TMEM232: variants seen among roughly 807,000 people sequenced by gnomAD.
TMEM232 encodes transmembrane protein 232.
A neutral mutation model predicts 78.8 loss-of-function variants in TMEM232; 80 were observed. The observed-to-expected ratio is 1.01, with a 90% CI of 0.85 to 1.22. The LOEUF (loss-of-function observed/expected upper bound fraction) is 1.22. Among genes scored for constraint, TMEM232 ranks in the 50% most tolerant of loss-of-function variants. TMEM232 has a pLI of 0.00. For missense variants in TMEM232, 881 were observed against 742.2 expected (o/e 1.19, Z -2.17); for synonymous variants, 297 against 254.3 (o/e 1.17, Z -1.60).
intron 1 of TMEM232, 124 bp from the exon 2 acceptor site, chr5:110,667,488 CTATAT>C: frequency 1.5e-6 from 1 of 676,120 alleles, no homozygotes; most frequent in South Asian, 3.0e-5. Flanking sequence ...AAGAATAATT[CTATAT>C]TAAGGAAGAA....
intron 10 of TMEM232, among the ~76,000 whole-genome samples, chr5:110,587,422 T>C (rs757902064): frequency 6.6e-6 from 1 of 152,008 alleles, no homozygotes; most frequent in Non-Finnish European, 1.5e-5. Flanking sequence ...TTCAAATTGC[T>C]AGTACCGTGA....
chr5:110,574,322 CTT>C (rs900419191), intron 10 of TMEM232, among the ~76,000 whole-genome samples: 3 of 152,026 alleles, frequency 2.0e-5, no homozygotes, highest in African/African-American at 7.2e-5. Flanking sequence ...ACATTTAACT[CTT>C]TGAAGTAATC....
intron 3 of TMEM232, among the ~76,000 whole-genome samples, chr5:110,395,982 C>G (rs1755372345): frequency 6.6e-6 from 1 of 152,112 alleles, no homozygotes; most frequent in African/African-American, 2.4e-5. Flanking sequence ...GAGCCTCATA[C>G]AAGCACTGTG....
intron 12 of TMEM232, among the ~76,000 whole-genome samples, chr5:110,501,689 T>C (rs2149444185): frequency 6.6e-6 from 1 of 152,310 alleles, no homozygotes; most frequent in South Asian, 2.1e-4. Flanking sequence ...ACATTTATTC[T>C]GTTGGGTTAA....
chr5:110,509,704 A>C (rs1258287377), intron 12 of TMEM232, among the ~76,000 whole-genome samples: 1 of 152,040 alleles, frequency 6.6e-6, no homozygotes, highest in Non-Finnish European at 1.5e-5. Flanking sequence ...TTAGGTTTCT[A>C]CTATAAGTTC....
At chr5:110,688,731 G>A (rs1292883214) in intron 1 of TMEM232, among the ~76,000 whole-genome samples, 2 of 152,172 alleles carry the variant, frequency 1.3e-5, no homozygotes, top group African/African-American at 4.8e-5. Flanking sequence ...AACTCATTTA[G>A]CCAAAAGGAA....
intron 8 of TMEM232, among the ~76,000 whole-genome samples, chr5:110,613,434 C>G (rs914014831): frequency 6.6e-6 from 1 of 152,112 alleles, no homozygotes; most frequent in African/African-American, 2.4e-5. Flanking sequence ...GTTGAATGGT[C>G]TCTCTTTGCT....
At chr5:110,417,626 T>C (rs1361204175), downstream of TMEM232, 5 of 112,420 alleles carry the variant, frequency 4.4e-5, no homozygotes, top group African/African-American at 1.9e-4. Flanking sequence ...TTCTTTTTTT[T>C]TTTTTTTTTT....
intron 2 of TMEM232, among the ~76,000 whole-genome samples, chr5:110,414,145 G>A (rs1756100131): frequency 6.6e-6 from 1 of 152,124 alleles, no homozygotes; most frequent in Non-Finnish European, 1.5e-5. Flanking sequence ...CTTCATTCTG[G>A]TCTTTGTCAA....
At chr5:110,400,585 G>T (rs73782455) in intron 2 of TMEM232, among the ~76,000 whole-genome samples, 5,505 of 151,548 alleles carry the variant, frequency 0.036, 139 homozygotes, top group African/African-American at 0.071. Flanking sequence ...CAGTGGGCAG[G>T]GAAAGTCAAG....
chr5:110,709,916 G>C (rs1205060301), intron 1 of TMEM232, among the ~76,000 whole-genome samples: 2 of 151,450 alleles, frequency 1.3e-5, no homozygotes, highest in African/African-American at 4.9e-5. Context: ...CTAATCTAAA[G>C]ATTACAGCAA....
At chr5:110,447,404 G>A (rs1759785036) in intron 12 of TMEM232, among the ~76,000 whole-genome samples, 2 of 151,986 alleles carry the variant, frequency 1.3e-5, no homozygotes, top group South Asian at 2.1e-4. Flanking sequence ...CTAAGTAGGG[G>A]CTTCGACTAG....
rs1248920490 is a variant in TMEM232 at position 110,489,060 on chromosome 5, CA to C, written c.1703+39527del. ...ACAAGTAAAGACACCAAATGAGTAA[CA>C]AAAAAGAAAGTCTCAAAAGCAAAAG... On this transcript the variant is annotated intron_variant, in intron 12 of 13. Coordinates refer to ENST00000455884, the MANE Select transcript of TMEM232 (RefSeq NM_001039763.4). Among the ~76,000 whole-genome samples the C allele has an allele frequency of 2.0e-5, 3 of 151,666 alleles. No homozygotes were observed. In the East Asian group the frequency reaches 5.8e-4, roughly 29 times the overall value.
At chr5:110,397,769 T>C (rs756618572) in intron 3 of TMEM232, 1 of 152,628 alleles carries the variant, frequency 6.6e-6, no homozygotes, top group Non-Finnish European at 1.5e-5. Flanking sequence ...TTTTTGGCTC[T>C]TACAGAGGCA....
In TMEM232 at chr5:110,708,430, A is replaced by G. The variant is rs905137170; in HGVS notation, c.-13+18197T>C. Among the ~76,000 whole-genome samples, 3 of 152,336 alleles carry G rather than the reference A, an allele frequency of 2.0e-5. No individual in the cohort carries two copies. The East Asian group carries it at 5.8e-4, about 29-fold the overall frequency. ...AATTCACTGGAAATAGTAGGCATGC[A>G]GAAAAATTCAGAATATTATAGCATT... On this transcript the variant is annotated intron_variant, in intron 1 of 13. Transcript: ENST00000455884.
At chr5:110,416,975 A>G (rs1241597257), downstream of TMEM232, among the ~76,000 whole-genome samples, 1 of 152,212 alleles carries the variant, frequency 6.6e-6, no homozygotes, top group Non-Finnish European at 1.5e-5. Context: ...GTTACTCAGA[A>G]TTTACTACAG....
At chr5:110,456,389 G>T (rs1760901680) in intron 12 of TMEM232, among the ~76,000 whole-genome samples, 2 of 151,850 alleles carry the variant, frequency 1.3e-5, no homozygotes, top group African/African-American at 4.8e-5. Flanking sequence ...ATTGATAAAA[G>T]AAATCAAAAC....
intron 2 of TMEM232, among the ~76,000 whole-genome samples, chr5:110,643,337 G>A (rs1372453925): frequency 6.6e-6 from 1 of 151,810 alleles, no homozygotes; most frequent in African/African-American, 2.4e-5. Flanking sequence ...TGAATTTCAG[G>A]GAAAAATTCA....
intron 1 of TMEM232, among the ~76,000 whole-genome samples, chr5:110,679,618 T>C (rs879474733): frequency 6.6e-6 from 1 of 152,204 alleles, no homozygotes; most frequent in Admixed American, 6.5e-5. Flanking sequence ...TCTAGATTTT[T>C]ATCTGCATAT....
Sources: allele counts gnomAD v4.1 joint callset (sites outside exome capture counted in the v4.1 genomes callset), GRCh38; gene constraint gnomAD v4.1.1; transcripts MANE v1.5; gene names NCBI Gene and HGNC (gene_info 2026-07-23, HGNC 2026-07-21).